Variants in NSUN6 observed in about 807,000 individuals in gnomAD.
NSUN6 encodes NOP2/Sun RNA methyltransferase 6, also known as tRNA (cytosine(72)-C(5))-methyltransferase NSUN6.
A neutral mutation model predicts 58.0 loss-of-function variants in NSUN6; 64 were observed. That is an observed-to-expected ratio of 1.10 (90% CI 0.90 to 1.36). The LOEUF (loss-of-function observed/expected upper bound fraction) is 1.36, where lower values mean the gene tolerates loss of function less well. Among genes scored for constraint, NSUN6 ranks in the 40% most tolerant of loss-of-function variants. The pLI is 0.00. For synonymous variants in NSUN6, 231 were observed against 193.9 expected (o/e 1.19, Z -1.59); for missense variants, 701 against 550.1 (o/e 1.27, Z -2.74).
rs376631905 is a variant in NSUN6, at chr10:18,546,151, T to C, written c.1198-6A>G. ...TCTCCTCCAATCTGCGGTTCCTGTT[T>C]GGAGAAAGTGGATCAATATGGATGA... On this transcript the variant is annotated splice_region_variant and splice_polypyrimidine_tract_variant and intron_variant, in intron 10 of 10. Coordinates refer to ENST00000377304, the MANE Select transcript of NSUN6 (RefSeq NM_182543.5). The C allele has an allele frequency of 3.5e-5, 55 of 1,584,086 alleles. No individual in the cohort carries two copies. The highest frequency in any genetic ancestry group is 4.7e-5 in the Non-Finnish European group (54 of 1,152,674).
At chr10:18,578,701 G>A (rs1469270286) in intron 8 of NSUN6, among the ~76,000 whole-genome samples, 2 of 152,120 alleles carry the variant, frequency 1.3e-5, no homozygotes, top group Non-Finnish European at 2.9e-5. Context: ...CCTGTGGCCA[G>A]CTGAATTCCA....
At chr10:18,570,180 A>G (rs2056259331) in intron 8 of NSUN6, among the ~76,000 whole-genome samples, 1 of 145,706 alleles carries the variant, frequency 6.9e-6, no homozygotes, top group Non-Finnish European at 1.5e-5. Flanking sequence ...TCCATTCTCC[A>G]TTCTATTTCA....
At chr10:18,553,126 C>A (rs917783123) in intron 8 of NSUN6, among the ~76,000 whole-genome samples, 7 of 151,486 alleles carry the variant, frequency 4.6e-5, no homozygotes, top group African/African-American at 1.7e-4. Context: ...GTTCGATTCT[C>A]CATTCCATTC....
rs144550258 is a variant in NSUN6, at chr10:18,615,075, C to T, written c.422-462G>A. 4.6e-3 allele frequency among the ~76,000 whole-genome samples: 694 copies of T among 150,992 alleles called. 5 individuals carry two copies. The highest frequency in any genetic ancestry group is 0.016 in the African/African-American group (654 of 41,068). On this transcript the variant is annotated intron_variant, in intron 4 of 10. Coordinates refer to ENST00000377304, the MANE Select transcript of NSUN6 (RefSeq NM_182543.5). ...TTTTGATATGACAGCACGATTAAGGCAGACTTTAATGATAAGCATATATAG... is the reference window on the plus strand; with the variant it reads ...TTTTGATATGACAGCACGATTAAGGTAGACTTTAATGATAAGCATATATAG...
chr10:18,578,192 C>A (rs1389824568), intron 8 of NSUN6, among the ~76,000 whole-genome samples: 2 of 150,856 alleles, frequency 1.3e-5, no homozygotes, highest in African/African-American at 4.9e-5. Flanking sequence ...GACCTTTGAG[C>A]TGAGAAGCCC....
chr10:18,651,184 A>C lies in NSUN6; in HGVS notation c.20T>G (p.Ile7Arg). 1 of 1,573,910 alleles carries C rather than the reference A, an allele frequency of 6.4e-7. No homozygotes were observed. The highest frequency in any genetic ancestry group is 8.6e-7 in the Non-Finnish European group (1 of 1,167,190). Residue 7 changes from isoleucine to arginine, a missense_variant, in exon 1 of 11, where the codon ATA (isoleucine) becomes AGA (arginine). Ile to Arg is a moderately conservative substitution (Grantham distance 97). Coordinates refer to ENST00000377304, the MANE Select transcript of NSUN6 (RefSeq NM_182543.5). ...GTTTTCAACCTCAGGTCTCAAAGATATCTTAGGGAAAATAGACATTTTTCC... is the reference window on the plus strand; with the variant it reads ...GTTTTCAACCTCAGGTCTCAAAGATCTCTTAGGGAAAATAGACATTTTTCC... MSIFPK[I>R]SLRPEVENYL...
chr10:18,557,016 A>G (rs2055080798), intron 8 of NSUN6, among the ~76,000 whole-genome samples: 1 of 150,516 alleles, frequency 6.6e-6, no homozygotes, highest in Non-Finnish European at 1.5e-5. Context: ...AATAGAATAG[A>G]TAGTGGAATG....
Position 18,546,014 on chromosome 10 carries a change from T to G in NSUN6, c.1329A>C (p.Arg443Ser). 1 of 1,585,456 alleles carries G rather than the reference T, an allele frequency of 6.3e-7. No individual in the cohort carries two copies. Among genetic ancestry groups the G allele is most frequent in the East Asian group, 2.2e-5 (1 of 44,728 alleles). Residue 443 changes from arginine (R) to serine (S), a missense_variant, in exon 11 of 11, where the codon AGA becomes AGC. Arg to Ser is a moderately radical substitution (Grantham distance 110, BLOSUM62 -1). Transcript: ENST00000377304. ...TAGCCAGACGCAACATGTCTTCTCT[T>G]CTGGCCTCTCTAAGAGAGTCCATGT... Reference protein sequence around the residue: ...DTDMDSLREARREDMLRLANK... With the variant: ...DTDMDSLREASREDMLRLANK...
rs144062107 is a variant in NSUN6 at position 18,641,613 on chromosome 10, G to A, written c.311+863C>T. ...TCCAACCCCTGGGCTCAAGGGATCC[G>A]CCTACCTCAGCCTCCCAAAGTGCTG... On this transcript the variant is annotated intron_variant, in intron 3 of 10. Transcript: ENST00000377304. Among the ~76,000 whole-genome samples the A allele has an allele frequency of 1.3e-4, 20 of 152,088 alleles. No individual in the cohort carries two copies. The East Asian group carries it at 2.1e-3, about 16-fold the overall frequency.
At chr10:18,610,684 G>A (rs1317130481) in intron 5 of NSUN6, among the ~76,000 whole-genome samples, 2 of 152,144 alleles carry the variant, frequency 1.3e-5, no homozygotes, top group Non-Finnish European at 2.9e-5. Flanking sequence ...ATGGCCTGGT[G>A]GAGAATGACT....
intron 3 of NSUN6, among the ~76,000 whole-genome samples, chr10:18,638,107 T>G (rs1305852259): frequency 1.3e-5 from 2 of 152,098 alleles, no homozygotes; most frequent in Admixed American, 6.5e-5. Flanking sequence ...GAAAACTAAA[T>G]AAAACTAAAG....
intron 7 of NSUN6, among the ~76,000 whole-genome samples, chr10:18,592,010 T>G (rs180844126): frequency 5.3e-5 from 8 of 152,238 alleles, no homozygotes; most frequent in Admixed American, 2.6e-4. Flanking sequence ...GATAAGCAAC[T>G]TCAGCAAAGT....
Position 18,626,360 on chromosome 10 carries a change from C to T in NSUN6, c.312-10067G>A, listed in dbSNP as rs375000047. Among the ~76,000 whole-genome samples, 7 of 151,862 alleles carry T rather than the reference C, an allele frequency of 4.6e-5. No individual in the cohort carries two copies. In the South Asian group the frequency reaches 8.3e-4, roughly 18 times the overall value. On this transcript the variant is annotated intron_variant, in intron 3 of 10. Coordinates refer to ENST00000377304, the MANE Select transcript of NSUN6 (RefSeq NM_182543.5). ...CTCGAGACCAGCCTGGGCAACACGGCGAGACCCCATCTCAAAACAAAAATA... is the reference window on the plus strand; with the variant it reads ...CTCGAGACCAGCCTGGGCAACACGGTGAGACCCCATCTCAAAACAAAAATA...
chr10:18,548,689 T>C (rs755665661), intron 9 of NSUN6, among the ~76,000 whole-genome samples: 2 of 152,224 alleles, frequency 1.3e-5, no homozygotes, highest in South Asian at 4.1e-4. Context: ...TCCTCCCACC[T>C]TGGCCTCCCA....
intron 6 of NSUN6, among the ~76,000 whole-genome samples, chr10:18,604,751 T>G (rs555495203): frequency 6.6e-6 from 1 of 151,882 alleles, no homozygotes; most frequent in African/African-American, 2.4e-5. Flanking sequence ...CTGGGTGTAG[T>G]GACGCATGCC....
intron 5 of NSUN6, among the ~76,000 whole-genome samples, chr10:18,613,758 A>T (rs1014346772): frequency 1.3e-5 from 2 of 152,220 alleles, no homozygotes; most frequent in African/African-American, 4.8e-5. Flanking sequence ...AAACTGTTGC[A>T]ACATGAAAAA....
intron 8 of NSUN6, among the ~76,000 whole-genome samples, chr10:18,567,497 C>T (rs974424289): frequency 1.3e-5 from 2 of 150,424 alleles, no homozygotes; most frequent in African/African-American, 4.9e-5. Context: ...CCATTCCATT[C>T]TCCATTCCAT....
intron 6 of NSUN6, among the ~76,000 whole-genome samples, chr10:18,600,436 G>T (rs960862143): frequency 6.6e-6 from 1 of 151,892 alleles, no homozygotes; most frequent in Admixed American, 6.6e-5. Flanking sequence ...ACCAGCCTGG[G>T]CAACATAGTG....
At chr10:18,569,464 ATTCCT>A (rs1332656313) in intron 8 of NSUN6, among the ~76,000 whole-genome samples, 1 of 146,184 alleles carries the variant, frequency 6.8e-6, no homozygotes, top group Non-Finnish European at 1.5e-5. Flanking sequence ...CCTCCATTCC[ATTCCT>A]TTCCATCCTC....
Sources: allele counts gnomAD v4.1 joint callset (sites outside exome capture counted in the v4.1 genomes callset), GRCh38; gene constraint gnomAD v4.1.1; transcripts MANE v1.5; gene names NCBI Gene and HGNC (gene_info 2026-07-23, HGNC 2026-07-21).